Variants in CXorf58 observed in about 807,000 individuals in gnomAD.
The protein encoded by CXorf58 is chromosome X open reading frame 58, also known as uncharacterized protein CXorf58.
A neutral mutation model predicts 26.0 loss-of-function variants in CXorf58; 24 were observed. That is an observed-to-expected ratio of 0.92 (90% confidence interval 0.67 to 1.30). The LOEUF is 1.30. Ranked by LOEUF, CXorf58 falls within the 50% of genes most tolerant of loss-of-function variation. The probability of loss-of-function intolerance (pLI) is 0.00; values close to 1 mark genes in which losing one functional copy is unlikely to be tolerated. For missense variants in CXorf58, 236 were observed against 263.9 expected (o/e 0.89, Z 0.73); for synonymous variants, 87 against 86.1 (o/e 1.01, Z -0.06).
At chrX:23,919,941 G>A (rs961248870) in intron 5 of CXorf58, among the ~76,000 whole-genome samples, 30 of 112,514 alleles carry the variant, frequency 2.7e-4, no homozygotes, top group African/African-American at 9.7e-4. Flanking sequence ...GCTAAGATCC[G>A]GAAGAATTCC....
intron 5 of CXorf58, among the ~76,000 whole-genome samples, chrX:23,921,785 C>A (rs1221020832): frequency 2.7e-5 from 3 of 110,407 alleles, no homozygotes; most frequent in Non-Finnish European, 1.9e-5. Context: ...TGCAACCTCC[C>A]CCTCCCAGGC....
chrX:23,922,089 T>C (rs1233169187), intron 5 of CXorf58, among the ~76,000 whole-genome samples: 1 of 110,931 alleles, frequency 9.0e-6, no homozygotes, highest in Non-Finnish European at 1.9e-5. Flanking sequence ...TAAAAAAGAC[T>C]GAGGGCCGGG....
Position 23,938,549 on chromosome X carries a change from G to T in CXorf58, c.788G>T (p.Gly263Val). The T allele has an allele frequency of 2.6e-6, 3 of 1,136,165 alleles. No individual in the cohort carries two copies. The highest frequency in any genetic ancestry group is 3.5e-6 in the Non-Finnish European group (3 of 860,790). 93.6% of individuals were successfully genotyped at this position (1,136,165 alleles called of 1,213,427 possible). The change falls in exon 8 of 9, where the codon GGT becomes GTT. Residue 263 changes from glycine (G) to valine (V), a missense_variant and splice_region_variant. Transcript: ENST00000379211. ...HQLRIVSEIR[G>V]PYLTVQPLYR... ...TTTTTAATACAAACATTTTCTAGGG[G>T]TCCATACTTAACTGTCCAACCTCTA...
chrX:23,933,201 T>A (rs1928207913), intron 6 of CXorf58, among the ~76,000 whole-genome samples: 2 of 107,854 alleles, frequency 1.9e-5, no homozygotes, highest in Admixed American at 2.0e-4. Context: ...TGTGTGTGAG[T>A]GTGTATGTGT....
intron 3 of CXorf58, among the ~76,000 whole-genome samples, chrX:23,914,868 C>T (rs1187024462): frequency 9.2e-6 from 1 of 108,173 alleles, no homozygotes; most frequent in Non-Finnish European, 1.9e-5. Flanking sequence ...TGAGTGGTGG[C>T]TCACACCTGT....
intron 5 of CXorf58, among the ~76,000 whole-genome samples, chrX:23,918,163 G>T (rs930153402): frequency 8.9e-6 from 1 of 111,774 alleles, no homozygotes; most frequent in Non-Finnish European, 1.9e-5. Flanking sequence ...TGTTATTACT[G>T]AGAAGTACAG....
chrX:23,938,766 A>G (rs1472814446), intron 8 of CXorf58, 66 bp downstream of exon 8: 1 of 776,811 alleles, frequency 1.3e-6, no homozygotes, highest in Non-Finnish European at 1.8e-6. Flanking sequence ...AAGTAGCTGT[A>G]CTTACGTAAA....
chrX:23,935,304 G>A lies in CXorf58; in HGVS notation c.664G>A (p.Val222Ile). 3.3e-6 allele frequency: 4 copies of A among 1,205,878 alleles called. No individual in the cohort carries two copies. Among genetic ancestry groups the A allele is most frequent in the Non-Finnish European group, 4.5e-6 (4 of 891,501 alleles). The change falls in exon 7 of 9, where the codon GTT becomes ATT. Residue 222 changes from valine to isoleucine, a missense_variant. Physicochemically the swap from Val to Ile is conservative, Grantham distance 29. Coordinates refer to ENST00000379211, the MANE Select transcript of CXorf58 (RefSeq NM_152761.3). Reference sequence around the variant, plus strand: ...CAGGACAATGCTAATGTATGACATAGTTCATTATTCAGAGTCTGGAGTGAT... The same window carrying A: ...CAGGACAATGCTAATGTATGACATAATTCATTATTCAGAGTCTGGAGTGAT... The part of the protein sequence containing the change: ...IPRTMLMYDI[V>I]HYSESGVISN...
At chrX:23,922,091 AGGGCCG>A (rs754172391) in intron 5 of CXorf58, among the ~76,000 whole-genome samples, 1 of 110,861 alleles carries the variant, frequency 9.0e-6, no homozygotes, top group Non-Finnish European at 1.9e-5. Flanking sequence ...AAAAAGACTG[AGGGCCG>A]GGTGCTGTGG....
chrX:23,922,501 C>G (rs979595721), intron 5 of CXorf58, among the ~76,000 whole-genome samples: 1 of 112,093 alleles, frequency 8.9e-6, no homozygotes, highest in Non-Finnish European at 1.9e-5. Context: ...TTAACCACTC[C>G]TGAGAGTTAG....
rs1928270268 is a variant in CXorf58 at position 23,935,307 on chromosome X, C to T, written c.667C>T (p.His223Tyr). 8.3e-7 allele frequency: 1 copy of T among 1,205,026 alleles called. No individual in the cohort carries two copies. The highest frequency in any genetic ancestry group is 1.8e-5 in the South Asian group (1 of 56,716). Reference protein sequence around the residue: ...PRTMLMYDIVHYSESGVISNR... With the variant: ...PRTMLMYDIVYYSESGVISNR... ...GACAATGCTAATGTATGACATAGTT[C>T]ATTATTCAGAGTCTGGAGTGATCTC... The change falls in exon 7 of 9, where the codon CAT (histidine) becomes TAT (tyrosine). Residue 223 changes from histidine (H) to tyrosine (Y), a missense_variant. Coordinates refer to ENST00000379211, the MANE Select transcript of CXorf58 (RefSeq NM_152761.3).
At chrX:23,934,505 ATCC>A (rs1485407248) in intron 6 of CXorf58, among the ~76,000 whole-genome samples, 1 of 111,292 alleles carries the variant, frequency 9.0e-6, no homozygotes, top group Non-Finnish European at 1.9e-5. Context: ...GGCTCAGGTG[ATCC>A]TCCTGCCTCA....
intron 5 of CXorf58, among the ~76,000 whole-genome samples, chrX:23,917,092 T>C (rs1927746510): frequency 9.1e-6 from 1 of 109,534 alleles, no homozygotes; most frequent in African/African-American, 3.3e-5. Flanking sequence ...CCCAGCACTT[T>C]GGGAGGCCAA....
intron 5 of CXorf58, among the ~76,000 whole-genome samples, chrX:23,926,891 C>T (rs989339215): frequency 4.5e-5 from 5 of 111,496 alleles, no homozygotes; most frequent in East Asian, 5.6e-4. Context: ...TGGTGGCATG[C>T]GCCTGTAGTC....
At position 23,938,613 on chromosome X, in the gene CXorf58, G is replaced by A; in HGVS notation, c.852G>A (p.Leu284=). 1.7e-6 allele frequency: 2 copies of A among 1,196,297 alleles called. No individual in the cohort carries two copies. The highest frequency in any genetic ancestry group is 2.3e-6 in the Non-Finnish European group (2 of 886,233). The change falls in exon 8 of 9, where the codon CTG becomes CTA. Residue 284 remains leucine, a synonymous_variant. Transcript: ENST00000379211. ...PYKQQNQVKF[L]GRRSKQAQMK... Reference sequence around the variant, plus strand: ...AACAGCAAAATCAAGTTAAATTTCTGGGTCGTCGATCCAAGCAAGCTCAAA... The same window carrying A: ...AACAGCAAAATCAAGTTAAATTTCTAGGTCGTCGATCCAAGCAAGCTCAAA...
intron 8 of CXorf58, 42 bp from the exon 9 acceptor site, chrX:23,939,202 A>G: frequency 1.0e-6 from 1 of 973,301 alleles, no homozygotes; most frequent in African/African-American, 1.9e-5. Flanking sequence ...AGTAAAAACC[A>G]AATATATAAC....
chrX:23,918,311 T>C (rs1927781281), intron 5 of CXorf58, among the ~76,000 whole-genome samples: 1 of 111,352 alleles, frequency 9.0e-6, no homozygotes, highest in South Asian at 3.7e-4. Context: ...TTATTTTTTG[T>C]GTATCTGTTG....
rs537677465 is a variant in CXorf58, at chrX:23,924,302, T to TTTTATTTA, written c.424-2907_424-2900dup. The stretch of plus-strand genomic sequence containing the variant: ...GAGAGATTTGCCAATACTATCTTTA[T>TTTTATTTA]TTTATTTATTTATTTATTTATTTAT... On this transcript the variant is annotated intron_variant, in intron 5 of 8. Transcript: ENST00000379211. Among the ~76,000 whole-genome samples, 471 of 100,447 alleles carry TTTTATTTA rather than the reference T, an allele frequency of 4.7e-3. 2 individuals are homozygous for TTTTATTTA. The highest frequency in any genetic ancestry group is 0.02 in the South Asian group (39 of 1,992). 87.2% of individuals were successfully genotyped at this position (100,447 alleles called of 115,157 possible). A position where few individuals can be genotyped will look rare whatever the true frequency, so the allele number is the denominator to read the frequency against.
intron 5 of CXorf58, 24 bp downstream of exon 5, chrX:23,916,352 T>C (rs759137594): frequency 4.7e-5 from 44 of 944,863 alleles, no homozygotes; most frequent in Non-Finnish European, 6.7e-5. Context: ...ATGTACATTT[T>C]ATGTTAACTT....
Sources: allele counts gnomAD v4.1 joint callset (sites outside exome capture counted in the v4.1 genomes callset), GRCh38; gene constraint gnomAD v4.1.1; transcripts MANE v1.5; gene names NCBI Gene and HGNC (gene_info 2026-07-23, HGNC 2026-07-21).